The following SYCP1 variants were observed in gnomAD, a reference collection of about 807,000 sequenced individuals.
SYCP1 encodes cancer/testis antigen 8.
Under a neutral mutation model 153.1 loss-of-function variants are expected in SYCP1, and 64 were observed. The ratio of observed to expected loss-of-function variants is 0.42; its 90% CI spans 0.34 to 0.51. SYCP1 has a LOEUF of 0.51. Among genes scored for constraint, SYCP1 ranks in the 20% least tolerant of loss-of-function variants. SYCP1 has a pLI of 0.06. For missense variants in SYCP1, 997 were observed against 1,049.0 expected (o/e 0.95, Z 0.68); for synonymous variants, 384 against 341.8 (o/e 1.12, Z -1.36).
At chr1:114,859,059 C>T (rs1026454962) in intron 6 of SYCP1, among the ~76,000 whole-genome samples, 10 of 151,982 alleles carry the variant, frequency 6.6e-5, no homozygotes, top group African/African-American at 2.4e-4. Flanking sequence ...GTAGGTAACA[C>T]TTTAAATTTG....
intron 21 of SYCP1, among the ~76,000 whole-genome samples, chr1:114,923,881 C>G (rs1669076997): frequency 6.6e-6 from 1 of 151,824 alleles, no homozygotes; most frequent in Non-Finnish European, 1.5e-5. Context: ...AATATGATAT[C>G]AAATTAAGAT....
chr1:114,882,651 G>A (rs760938216), intron 12 of SYCP1, among the ~76,000 whole-genome samples: 42 of 150,890 alleles, frequency 2.8e-4, no homozygotes, highest in Middle Eastern at 6.4e-3. Context: ...GTGCCTTATT[G>A]TTTTTGACTT....
At chr1:114,925,480 T>A (rs892836642) in intron 21 of SYCP1, among the ~76,000 whole-genome samples, 5 of 152,312 alleles carry the variant, frequency 3.3e-5, no homozygotes, top group Admixed American at 3.3e-4. Flanking sequence ...GTTAAAACAG[T>A]TTCCCAGAAA....
chr1:114,904,632 A>G lies in SYCP1; in HGVS notation c.1321-5765A>G, dbSNP rs1327372880. On this transcript the variant is annotated intron_variant, in intron 16 of 31. Coordinates refer to ENST00000369522, the MANE Select transcript of SYCP1 (RefSeq NM_003176.4). The stretch of plus-strand genomic sequence containing the variant: ...TTCAGCATACAGTACTGTAAATGTT[A>G]TATTAGGTTTATACCTAAGTATTTC... 2.6e-5 allele frequency among the ~76,000 whole-genome samples: 4 copies of G among 152,184 alleles called. No homozygotes were observed. The East Asian group carries it at 5.8e-4, about 22-fold the overall frequency.
At chr1:114,871,495 C>G (rs1665121767) in intron 8 of SYCP1, among the ~76,000 whole-genome samples, 1 of 152,016 alleles carries the variant, frequency 6.6e-6, no homozygotes, top group Admixed American at 6.6e-5. Flanking sequence ...TGTATCATTG[C>G]TGTCATTAAT....
At chr1:114,979,602 G>C (rs960890987) in intron 28 of SYCP1, among the ~76,000 whole-genome samples, 1 of 151,712 alleles carries the variant, frequency 6.6e-6, no homozygotes, top group Non-Finnish European at 1.5e-5. Flanking sequence ...TGAATCCAGA[G>C]AGCAGTAAAA....
intron 30 of SYCP1, among the ~76,000 whole-genome samples, chr1:114,986,333 A>G (rs1035646428): frequency 2.6e-5 from 4 of 152,058 alleles, no homozygotes; most frequent in Non-Finnish European, 4.4e-5. Context: ...CCAGATATAT[A>G]AAAATGTAAT....
At chr1:114,919,404 C>A (rs186762632) in intron 20 of SYCP1, among the ~76,000 whole-genome samples, 1 of 152,048 alleles carries the variant, frequency 6.6e-6, no homozygotes, top group African/African-American at 2.4e-5. Context: ...ATTTGGTTTG[C>A]TAGTATGTTG....
intron 26 of SYCP1, among the ~76,000 whole-genome samples, chr1:114,946,697 T>C (rs1042046945): frequency 1.3e-5 from 2 of 152,120 alleles, no homozygotes; most frequent in African/African-American, 4.8e-5. Flanking sequence ...TGTTGAAGTT[T>C]TCTTTAAAGA....
chr1:114,980,584 A>G (rs1005718071), intron 28 of SYCP1, among the ~76,000 whole-genome samples: 1 of 151,902 alleles, frequency 6.6e-6, no homozygotes, highest in African/African-American at 2.4e-5. Flanking sequence ...TTATAGGTGA[A>G]AAAGAAGAAG....
chr1:114,921,191 A>G (rs545939731), intron 20 of SYCP1, among the ~76,000 whole-genome samples: 65 of 152,134 alleles, frequency 4.3e-4, no homozygotes, highest in South Asian at 1.2e-3. Flanking sequence ...ATAATATCTT[A>G]TAACCCATTA....
chr1:114,907,298 T>C (rs913749294), intron 16 of SYCP1, among the ~76,000 whole-genome samples: 1 of 152,180 alleles, frequency 6.6e-6, no homozygotes, highest in African/African-American at 2.4e-5. Context: ...TTTAGACCAT[T>C]GATATCTTTA....
At chr1:114,907,331 T>C (rs1017782485) in intron 16 of SYCP1, among the ~76,000 whole-genome samples, 1 of 152,206 alleles carries the variant, frequency 6.6e-6, no homozygotes, top group Admixed American at 6.5e-5. Flanking sequence ...TAAGTGTTGA[T>C]GTGGCTTAGA....
chr1:114,987,687 G>A (rs899301605), intron 30 of SYCP1, among the ~76,000 whole-genome samples: 2 of 151,710 alleles, frequency 1.3e-5, no homozygotes, highest in East Asian at 3.9e-4. Flanking sequence ...TAAACCAAAA[G>A]ACCAATAGTA....
intron 16 of SYCP1, among the ~76,000 whole-genome samples, chr1:114,909,338 G>A (rs1026835955): frequency 1.3e-5 from 2 of 151,702 alleles, no homozygotes; most frequent in Non-Finnish European, 2.9e-5. Flanking sequence ...TTCACCATTG[G>A]GACAAAGCTA....
At position 114,858,787 on chromosome 1, in the gene SYCP1, G is replaced by A. The variant is rs1304421102; in HGVS notation, c.456+76G>A. On this transcript the variant is annotated intron_variant, in intron 6 of 31. Coordinates refer to ENST00000369522, the MANE Select transcript of SYCP1 (RefSeq NM_003176.4). Reference sequence around the variant, plus strand: ...TACTGTTGAAAGTAGAGTATTAGTTGGGATAAATTGGATTGATCTTGTTTT... The same window carrying A: ...TACTGTTGAAAGTAGAGTATTAGTTAGGATAAATTGGATTGATCTTGTTTT... 4.0e-6 allele frequency: 5 copies of A among 1,244,390 alleles called. No individual in the cohort carries two copies. The East Asian group carries it at 1.2e-4, about 29-fold the overall frequency. The allele number at this position is 1,244,390 out of a possible 1,614,324, so 77.1% of individuals were successfully genotyped here. A position where few individuals can be genotyped will look rare whatever the true frequency, so the allele number is the denominator to read the frequency against.
intron 15 of SYCP1, among the ~76,000 whole-genome samples, chr1:114,893,833 G>T (rs1666889031): frequency 6.6e-6 from 1 of 152,022 alleles, no homozygotes; most frequent in African/African-American, 2.4e-5. Context: ...AGAATAATAA[G>T]CTATTTGTAA....
intron 30 of SYCP1, among the ~76,000 whole-genome samples, chr1:114,988,265 T>C (rs548647115): frequency 2.0e-4 from 30 of 151,758 alleles, no homozygotes; most frequent in Non-Finnish European, 3.1e-4. Flanking sequence ...AAGAGTTATA[T>C]GAAGAAATAA....
chr1:114,932,558 G>A (rs1175234755), intron 23 of SYCP1, among the ~76,000 whole-genome samples: 2 of 152,186 alleles, frequency 1.3e-5, no homozygotes, highest in Admixed American at 6.5e-5. Context: ...GGGCTTGTCG[G>A]ACAGTGGGTG....
Sources: allele counts gnomAD v4.1 joint callset (sites outside exome capture counted in the v4.1 genomes callset), GRCh38; gene constraint gnomAD v4.1.1; transcripts MANE v1.5; gene names NCBI Gene and HGNC (gene_info 2026-07-23, HGNC 2026-07-21).